The following MAPRE1 variants were observed in gnomAD, a reference collection of about 807,000 sequenced individuals.
MAPRE1 encodes microtubule-associated protein RP/EB family member 1.
Under a neutral mutation model 32.1 loss-of-function variants are expected in MAPRE1, and 5 were observed. The observed-to-expected ratio is 0.16, with a 90% CI of 0.08 to 0.33. The LOEUF (loss-of-function observed/expected upper bound fraction) is 0.33. Ranked by LOEUF, MAPRE1 falls within the 10% of genes least tolerant of loss-of-function variation. The pLI, the probability that MAPRE1 is intolerant of heterozygous loss-of-function variation, is 1.00. For synonymous variants in MAPRE1, 122 were observed against 118.9 expected (o/e 1.03, Z -0.17); for missense variants, 209 against 327.2 (o/e 0.64, Z 2.79).
intron 1 of MAPRE1, among the ~76,000 whole-genome samples, chr20:32,820,584 C>T (rs1250412170): frequency 1.3e-5 from 2 of 152,174 alleles, no homozygotes; most frequent in African/African-American, 4.8e-5. Context: ...AGAAAGTAAG[C>T]CAGCTCTTGG....
Position 32,827,384 on chromosome 20 carries a change from G to C in MAPRE1, c.121+1336G>C, listed in dbSNP as rs146560842. Among the ~76,000 whole-genome samples the C allele has an allele frequency of 1.7e-3, 265 of 152,018 alleles. 1 individual carries two copies. The highest frequency in any genetic ancestry group is 5.9e-3 in the African/African-American group (243 of 41,454). ...GATCGCACCACTGCACTCCAGCCTG[G>C]GTGATAAGAGCGAGACTCCGTCTCA... On this transcript the variant is annotated intron_variant, in intron 2 of 6. Transcript: ENST00000375571.
rs1983592717 is a variant in MAPRE1 at position 32,849,594 on chromosome 20, C to T, written c.*866C>T. 6.6e-6 allele frequency: 1 copy of T among 152,592 alleles called. No homozygotes were observed. The highest frequency in any genetic ancestry group is 6.5e-5 in the Admixed American group (1 of 15,282). The allele number at this position is 152,592 out of a possible 1,614,324, so 9.5% of individuals were successfully genotyped here. On this transcript the variant is annotated 3_prime_UTR_variant, in exon 7 of 7. Coordinates refer to ENST00000375571, the MANE Select transcript of MAPRE1 (RefSeq NM_012325.3). ...TCTGGGATTTGAATGGGGATTGTAT[C>T]CCATTTTACTGTCTTTTAGGTTTAC...
intron 1 of MAPRE1, among the ~76,000 whole-genome samples, chr20:32,820,304 C>T (rs1165295260): frequency 6.6e-6 from 1 of 152,008 alleles, no homozygotes; most frequent in Non-Finnish European, 1.5e-5. Flanking sequence ...GAGGTGTGGT[C>T]CCTGCGCTGC....
At position 32,839,760 on chromosome 20, in the gene MAPRE1, G is replaced by C. The variant is rs531184486; in HGVS notation, c.501G>C (p.Gln167His). 10 of 1,614,172 alleles carry C rather than the reference G, an allele frequency of 6.2e-6. No homozygotes were observed. The highest frequency in any genetic ancestry group is 2.2e-5 in the East Asian group (1 of 44,888). Reference protein sequence around the residue: ...SAAPQRPISTQRTAAAPKAGP... With the variant: ...SAAPQRPISTHRTAAAPKAGP... ...CTCCCCAGAGGCCCATCTCAACACA[G>C]AGAACCGCTGCGGCTCCTAAGGCTG... The change falls in exon 5 of 7, where the codon CAG becomes CAC. Residue 167 changes from glutamine (Q) to histidine (H), a missense_variant. By Grantham distance (24) the Gln-to-His change is conservative. This residue lies in a region of MAPRE1 where 106 missense variants were observed against 115.3 expected (regional missense o/e 0.92). Coordinates refer to ENST00000375571, the MANE Select transcript of MAPRE1 (RefSeq NM_012325.3).
At chr20:32,846,341 C>T (rs1371027506) in intron 5 of MAPRE1, among the ~76,000 whole-genome samples, 1 of 152,198 alleles carries the variant, frequency 6.6e-6, no homozygotes, top group East Asian at 1.9e-4. Flanking sequence ...TCAGGCTTCC[C>T]TAGTTTTTTC....
intron 2 of MAPRE1, among the ~76,000 whole-genome samples, chr20:32,833,005 T>C (rs1448181168): frequency 6.6e-6 from 1 of 151,732 alleles, no homozygotes; most frequent in African/African-American, 2.4e-5. Context: ...TTCAACTTTG[T>C]TAATTAAATG....
intron 5 of MAPRE1, among the ~76,000 whole-genome samples, chr20:32,842,855 A>G (rs1983402225): frequency 6.6e-6 from 1 of 152,188 alleles, no homozygotes; most frequent in Admixed American, 6.5e-5. Flanking sequence ...TTGGGGTCTG[A>G]GGAGGCTTCC....
chr20:32,837,688 T>A (rs543293830), intron 4 of MAPRE1, among the ~76,000 whole-genome samples: 1 of 152,352 alleles, frequency 6.6e-6, no homozygotes, highest in African/African-American at 2.4e-5. Flanking sequence ...CATATAATTA[T>A]ATTTTTATAT....
At chr20:32,824,123 G>T (rs1400760600) in intron 1 of MAPRE1, among the ~76,000 whole-genome samples, 1 of 152,188 alleles carries the variant, frequency 6.6e-6, no homozygotes, top group African/African-American at 2.4e-5. Context: ...ATGTTTGTTG[G>T]TGTATTTGGT....
intron 4 of MAPRE1, 78 bp downstream of exon 4, chr20:32,836,919 A>C (rs916606208): frequency 8.0e-7 from 1 of 1,257,136 alleles, no homozygotes; most frequent in African/African-American, 1.5e-5. Context: ...AATTTTTTTC[A>C]GTAGCCATAG....
At chr20:32,844,482 T>A (rs1983451109) in intron 5 of MAPRE1, among the ~76,000 whole-genome samples, 1 of 123,660 alleles carries the variant, frequency 8.1e-6, no homozygotes. Flanking sequence ...TGGCGTGATC[T>A]CAGCTCACTG....
Position 32,839,880 on chromosome 20 carries a change from G to A in MAPRE1, c.597+24G>A, listed in dbSNP as rs760825213. The A allele has an allele frequency of 6.8e-6, 11 of 1,613,544 alleles. No homozygotes were observed. The East Asian group carries it at 2.0e-4, about 29-fold the overall frequency. On this transcript the variant is annotated intron_variant, in intron 5 of 6. Transcript: ENST00000375571. ...AGGTGGGCACCCCTGTGTTTAGCAC[G>A]TGAGTCACCTCGGGGGATAGGATCC... is the stretch of plus-strand genomic sequence containing the variant.
At chr20:32,828,611 G>T (rs764955145) in intron 2 of MAPRE1, among the ~76,000 whole-genome samples, 6 of 152,154 alleles carry the variant, frequency 3.9e-5, no homozygotes, top group Admixed American at 6.5e-5. Context: ...CCACTTGTTG[G>T]CCAGTGTGAG....
At chr20:32,829,113 C>T (rs1349302255) in intron 2 of MAPRE1, among the ~76,000 whole-genome samples, 1 of 151,972 alleles carries the variant, frequency 6.6e-6, no homozygotes, top group Non-Finnish European at 1.5e-5. Flanking sequence ...GGGGTTTCAC[C>T]GTGGTGGTCA....
rs145246339 is a variant in MAPRE1 at position 32,841,896 on chromosome 20, A to G, written c.597+2040A>G. Among the ~76,000 whole-genome samples the G allele has an allele frequency of 9.2e-5, 14 of 152,236 alleles. No individual in the cohort carries two copies. In the East Asian group the frequency reaches 1.5e-3, roughly 17 times the overall value. The stretch of plus-strand genomic sequence containing the variant: ...GTGCCTGGAATGGTGTTTGTTGCCA[A>G]TACCACTGGGATAAATGTCAGTGGA... On this transcript the variant is annotated intron_variant, in intron 5 of 6. Transcript: ENST00000375571.
chr20:32,838,364 A>G (rs748208174), intron 4 of MAPRE1, among the ~76,000 whole-genome samples: 10 of 152,078 alleles, frequency 6.6e-5, no homozygotes, highest in South Asian at 2.1e-4. Flanking sequence ...TTGCATGCCT[A>G]TACCTCATTT....
chr20:32,837,482 A>C (rs1460440515), intron 4 of MAPRE1, among the ~76,000 whole-genome samples: 2 of 152,090 alleles, frequency 1.3e-5, no homozygotes, highest in Non-Finnish European at 2.9e-5. Flanking sequence ...CTTTCCCAAG[A>C]TGTGTTTACA....
chr20:32,824,680 A>G (rs1474597953), intron 1 of MAPRE1, among the ~76,000 whole-genome samples: 1 of 142,044 alleles, frequency 7.0e-6, no homozygotes, highest in East Asian at 2.2e-4. Flanking sequence ...AAGAATTTAT[A>G]GTTTTTTTTT....
chr20:32,841,552 G>A (rs1450091884), intron 5 of MAPRE1, among the ~76,000 whole-genome samples: 2 of 151,352 alleles, frequency 1.3e-5, no homozygotes, highest in African/African-American at 4.9e-5. Flanking sequence ...TGCCATGCTG[G>A]TGCACTGCAC....
Sources: gnomAD v4.1 joint callset for allele counts (sites outside exome capture counted in the v4.1 genomes callset) on GRCh38, gnomAD v4.1.1 for gene constraint, gnomAD v4.1.1 regional missense constraint, MANE v1.5 for transcripts, NCBI Gene and HGNC (gene_info 2026-07-23, HGNC 2026-07-21) for gene names.